Variants in MSI2 observed in about 807,000 individuals in gnomAD.
The protein encoded by MSI2 is RNA-binding protein Musashi homolog 2.
In MSI2, 17 loss-of-function variants were observed where a neutral mutation model predicts 45.6. That is an observed-to-expected ratio of 0.37 (90% CI 0.26 to 0.56). The LOEUF (loss-of-function observed/expected upper bound fraction) is 0.56. Among genes scored for constraint, MSI2 ranks in the 20% least tolerant of loss-of-function variants. MSI2 has a pLI of 0.77. For missense variants in MSI2, 293 were observed against 444.2 expected, an observed-to-expected ratio of 0.66 and a Z score of 3.06; for synonymous variants, 156 against 158.2, an observed-to-expected ratio of 0.99 and a Z score of 0.11.
At chr17:57,523,782 C>T (rs898349120) in intron 6 of MSI2, among the ~76,000 whole-genome samples, 2 of 152,208 alleles carry the variant, frequency 1.3e-5, no homozygotes, top group African/African-American at 4.8e-5. Context: ...CCACATTTAG[C>T]ACTTTCCCTT....
intron 6 of MSI2, among the ~76,000 whole-genome samples, chr17:57,447,485 G>A (rs1469734736): frequency 7.9e-5 from 12 of 152,070 alleles, no homozygotes; most frequent in Admixed American, 3.3e-4. Context: ...CCTGTTCCAT[G>A]TTTTATCTGA....
intron 4 of MSI2, among the ~76,000 whole-genome samples, chr17:57,260,317 C>A (rs1376204414): frequency 6.6e-6 from 1 of 152,134 alleles, no homozygotes; most frequent in African/African-American, 2.4e-5. Context: ...TGCTCTGATA[C>A]GGCCACACAC....
intron 6 of MSI2, among the ~76,000 whole-genome samples, chr17:57,406,247 C>T (rs1567805417): frequency 1.3e-5 from 2 of 151,926 alleles, no homozygotes; most frequent in Non-Finnish European, 2.9e-5. Context: ...TAGACCCTGG[C>T]GACGAGGCGG....
At chr17:57,642,337 G>T (rs1910322167) in intron 10 of MSI2, among the ~76,000 whole-genome samples, 1 of 152,208 alleles carries the variant, frequency 6.6e-6, no homozygotes, top group South Asian at 2.1e-4. Context: ...TCATTGGAAT[G>T]GCCACTCCTG....
chr17:57,406,029 C>T (rs895666665), intron 6 of MSI2, among the ~76,000 whole-genome samples: 10 of 152,292 alleles, frequency 6.6e-5, no homozygotes, highest in African/African-American at 2.4e-4. Context: ...TATAAAGCCC[C>T]ACCTCCCACT....
At chr17:57,303,611 G>T (rs1911608668) in intron 5 of MSI2, among the ~76,000 whole-genome samples, 1 of 152,132 alleles carries the variant, frequency 6.6e-6, no homozygotes, top group African/African-American at 2.4e-5. Flanking sequence ...TATTGTACAG[G>T]AAAAAATCTT....
At chr17:57,644,671 A>G (rs911770154) in intron 10 of MSI2, among the ~76,000 whole-genome samples, 4 of 152,220 alleles carry the variant, frequency 2.6e-5, no homozygotes, top group Non-Finnish European at 5.9e-5. Flanking sequence ...TGAACCATCT[A>G]TAGAAATTGC....
intron 6 of MSI2, among the ~76,000 whole-genome samples, chr17:57,492,751 C>T (rs575210607): frequency 6.6e-6 from 1 of 152,320 alleles, no homozygotes; most frequent in African/African-American, 2.4e-5. Context: ...CACCTACCAC[C>T]ACACCCAGTT....
At chr17:57,468,552 G>A (rs1337461745) in intron 6 of MSI2, among the ~76,000 whole-genome samples, 2 of 151,468 alleles carry the variant, frequency 1.3e-5, no homozygotes, top group Non-Finnish European at 2.9e-5. Flanking sequence ...GCAGTGGCTG[G>A]CACATTGTAC....
chr17:57,300,643 G>A (rs1484884666), intron 5 of MSI2, among the ~76,000 whole-genome samples: 5 of 152,154 alleles, frequency 3.3e-5, no homozygotes, highest in East Asian at 1.9e-4. Context: ...AGACATACCC[G>A]AGACTCGGTA....
At chr17:57,588,515 G>C (rs1235416440) in intron 7 of MSI2, among the ~76,000 whole-genome samples, 1 of 152,192 alleles carries the variant, frequency 6.6e-6, no homozygotes, top group Non-Finnish European at 1.5e-5. Flanking sequence ...TGCTCATCCT[G>C]GTTAGACTGG....
chr17:57,443,213 G>T (rs147284449), intron 6 of MSI2, among the ~76,000 whole-genome samples: 2 of 152,142 alleles, frequency 1.3e-5, no homozygotes, highest in Non-Finnish European at 2.9e-5. Context: ...TAAAGGGAGT[G>T]GGGGGCCATG....
At chr17:57,602,289 T>C (rs139147883) in intron 8 of MSI2, among the ~76,000 whole-genome samples, 99 of 152,272 alleles carry the variant, frequency 6.5e-4, no homozygotes, top group Admixed American at 3.6e-3. Context: ...GTTCTTCCGG[T>C]GTGGCCCAAG....
At chr17:57,562,877 C>T in intron 7 of MSI2, among the ~76,000 whole-genome samples, 1 of 152,042 alleles carries the variant, frequency 6.6e-6, no homozygotes, top group East Asian at 1.9e-4. Context: ...GCAGGCGGAT[C>T]ACCTGAGGTC....
chr17:57,464,515 G>C (rs2085294873), intron 6 of MSI2, among the ~76,000 whole-genome samples: 1 of 152,172 alleles, frequency 6.6e-6, no homozygotes, highest in Non-Finnish European at 1.5e-5. Context: ...GAAGGGTCTG[G>C]ACAGATCTCA....
chr17:57,670,324 C>T (rs1912687413), intron 11 of MSI2, among the ~76,000 whole-genome samples: 1 of 152,236 alleles, frequency 6.6e-6, no homozygotes, highest in African/African-American at 2.4e-5. Context: ...AGCCCAGCCC[C>T]TTGTCACTGC....
intron 6 of MSI2, among the ~76,000 whole-genome samples, chr17:57,516,128 C>G (rs1160116208): frequency 6.6e-6 from 1 of 152,152 alleles, no homozygotes; most frequent in East Asian, 1.9e-4. Flanking sequence ...GTAACTATCA[C>G]TACAATCAGG....
At chr17:57,409,933 A>C (rs1346391598) in intron 6 of MSI2, among the ~76,000 whole-genome samples, 2 of 137,116 alleles carry the variant, frequency 1.5e-5, no homozygotes, top group African/African-American at 5.3e-5. Flanking sequence ...TCTTGAACCC[A>C]GGAGGTGGAG....
chr17:57,671,986 C>T (rs1912823141), intron 11 of MSI2, among the ~76,000 whole-genome samples: 1 of 152,202 alleles, frequency 6.6e-6, no homozygotes, highest in South Asian at 2.1e-4. Flanking sequence ...CTTCCATGCG[C>T]CCAGCCCTCA....
Sources: allele counts gnomAD v4.1 joint callset (sites outside exome capture counted in the v4.1 genomes callset), GRCh38; gene constraint gnomAD v4.1.1; transcripts MANE v1.5; gene names NCBI Gene and HGNC (gene_info 2026-07-23, HGNC 2026-07-21).